Variants in DTWD2 observed in about 807,000 individuals in gnomAD.
The protein encoded by DTWD2 is DTW motif tRNA-uridine aminocarboxypropyltransferase 2, also known as tRNA-uridine aminocarboxypropyltransferase 2.
In DTWD2, 39 loss-of-function variants were observed where a neutral mutation model predicts 31.8. The observed-to-expected ratio is 1.22, with a 90% CI of 0.95 to 1.60. The LOEUF is 1.60. Among genes scored for constraint, DTWD2 ranks in the 40% most tolerant of loss-of-function variants. The probability of loss-of-function intolerance (pLI) is 0.00; values close to 1 mark genes in which losing one functional copy is unlikely to be tolerated. For missense variants in DTWD2, 515 were observed against 381.5 expected (o/e 1.35, Z -2.92); for synonymous variants, 180 against 142.8 (o/e 1.26, Z -1.86).
At chr5:118,929,798 T>C (rs1753883609) in intron 3 of DTWD2, among the ~76,000 whole-genome samples, 2 of 152,204 alleles carry the variant, frequency 1.3e-5, no homozygotes, top group Non-Finnish European at 2.9e-5. Flanking sequence ...AGCCAGGCTT[T>C]CTCTGAGGAC....
At chr5:118,851,218 C>CAAA (rs35541408) in intron 4 of DTWD2, among the ~76,000 whole-genome samples, 119 of 81,930 alleles carry the variant, frequency 1.5e-3, no homozygotes, top group African/African-American at 5.1e-3. Flanking sequence ...GACCCTATCT[C>CAAA]AAAAAAAAAA....
intron 4 of DTWD2, among the ~76,000 whole-genome samples, chr5:118,870,903 T>C (rs569497265): frequency 6.6e-6 from 1 of 150,424 alleles, no homozygotes; most frequent in Non-Finnish European, 1.5e-5. Flanking sequence ...TACTGCTGCT[T>C]ATATAATATT....
chr5:118,945,761 A>T (rs11954152), intron 1 of DTWD2, among the ~76,000 whole-genome samples: 29,119 of 134,856 alleles, frequency 0.22, 7,234 homozygotes, highest in African/African-American at 0.62. Flanking sequence ...CGAGACTCCA[A>T]CTCAAAAAAA....
rs550240884 is a variant in DTWD2, at chr5:118,975,313, A to C, written c.218+12981T>G. ...TGATATCCTTTCTTCCGCTTGATCG[A>C]TTTGGCTACTGATACTTGTGTATGC... On this transcript the variant is annotated intron_variant, in intron 1 of 5. Coordinates refer to ENST00000510708, the MANE Select transcript of DTWD2 (RefSeq NM_173666.4). Among the ~76,000 whole-genome samples the C allele has an allele frequency of 3.3e-5, 5 of 151,922 alleles. No individual in the cohort carries two copies. In the South Asian group the frequency reaches 1.0e-3, roughly 32 times the overall value.
intron 4 of DTWD2, among the ~76,000 whole-genome samples, chr5:118,910,486 C>A (rs1312893589): frequency 6.6e-6 from 1 of 152,188 alleles, no homozygotes; most frequent in Non-Finnish European, 1.5e-5. Context: ...TTAATCATGA[C>A]TACTTAGGCC....
At chr5:118,879,424 A>T (rs1310990384) in intron 4 of DTWD2, among the ~76,000 whole-genome samples, 1 of 152,058 alleles carries the variant, frequency 6.6e-6, no homozygotes, top group Non-Finnish European at 1.5e-5. Context: ...CAGCCTGGCC[A>T]GCACGGTGAA....
rs944013732 is a variant in DTWD2, at chr5:118,868,314, GA to G, written c.598-20097del. Among the ~76,000 whole-genome samples the G allele has an allele frequency of 1.3e-4, 20 of 151,560 alleles. No individual in the cohort carries two copies. The East Asian group carries it at 2.9e-3, about 22-fold the overall frequency. ...AAGTGCTAAAACTATAAAATTCTTA[GA>G]AAAAAAATAGGGGGAAATCTTTACA... On this transcript the variant is annotated intron_variant, in intron 4 of 5. Coordinates refer to ENST00000510708, the MANE Select transcript of DTWD2 (RefSeq NM_173666.4).
At chr5:118,904,701 A>G (rs1195542195) in intron 4 of DTWD2, among the ~76,000 whole-genome samples, 1 of 152,166 alleles carries the variant, frequency 6.6e-6, no homozygotes, top group Non-Finnish European at 1.5e-5. Context: ...ACAGAGAAAA[A>G]GAGGGAGAAT....
chr5:118,939,265 G>T lies in DTWD2; in HGVS notation c.335C>A (p.Pro112His). ...CTGGGGGAGGCATGCTGCTAGTAGA[G>T]GAACTGTACGCAACACTTTGTTTTC... ...AEENKVLRTV[P>H]LLAACLPQDK... The change falls in exon 3 of 6, where the codon CCT becomes CAT. Residue 112 changes from proline (P) to histidine (H), a missense_variant. Pro to His is a moderately conservative substitution (Grantham distance 77). Transcript: ENST00000510708. 1 of 1,596,306 alleles carries T rather than the reference G, an allele frequency of 6.3e-7. No homozygotes were observed. Among genetic ancestry groups the T allele is most frequent in the Non-Finnish European group, 8.5e-7 (1 of 1,170,862 alleles).
chr5:118,866,848 C>A (rs188655288), intron 4 of DTWD2, among the ~76,000 whole-genome samples: 59 of 151,666 alleles, frequency 3.9e-4, no homozygotes, highest in Non-Finnish European at 8.2e-4. Flanking sequence ...ACCTGGGAGG[C>A]AGAGGTTGCA....
intron 4 of DTWD2, among the ~76,000 whole-genome samples, chr5:118,927,653 A>G (rs1203051193): frequency 1.3e-5 from 2 of 152,146 alleles, no homozygotes; most frequent in African/African-American, 4.8e-5. Context: ...ATAATTCCCT[A>G]GAGAAATATA....
intron 1 of DTWD2, among the ~76,000 whole-genome samples, chr5:118,954,690 T>G (rs542523098): frequency 6.6e-6 from 1 of 152,152 alleles, no homozygotes; most frequent in Non-Finnish European, 1.5e-5. Flanking sequence ...TTTTTGTATT[T>G]GAATAATTAA....
intron 4 of DTWD2, among the ~76,000 whole-genome samples, chr5:118,911,372 A>T (rs1431007440): frequency 6.6e-6 from 1 of 152,232 alleles, no homozygotes; most frequent in Non-Finnish European, 1.5e-5. Context: ...GTTGGGAAGG[A>T]TGTGGAGAAA....
chr5:118,947,651 C>T (rs917447745), intron 1 of DTWD2, among the ~76,000 whole-genome samples: 5 of 152,088 alleles, frequency 3.3e-5, no homozygotes, highest in Non-Finnish European at 5.9e-5. Flanking sequence ...AGCATTCGAG[C>T]GGGAAAACAG....
At chr5:118,901,811 T>C (rs1025908030) in intron 4 of DTWD2, among the ~76,000 whole-genome samples, 2 of 152,208 alleles carry the variant, frequency 1.3e-5, no homozygotes, top group Non-Finnish European at 2.9e-5. Context: ...TCTCACTGTG[T>C]TGCTCAGGCT....
intron 4 of DTWD2, among the ~76,000 whole-genome samples, chr5:118,917,051 C>CA (rs1367504595): frequency 1.3e-5 from 2 of 152,190 alleles, no homozygotes; most frequent in East Asian, 3.9e-4. Flanking sequence ...TTTAAACTGA[C>CA]AAAAATATAA....
intron 1 of DTWD2, among the ~76,000 whole-genome samples, chr5:118,947,648 G>C (rs150804529): frequency 6.0e-4 from 91 of 152,256 alleles, no homozygotes; most frequent in African/African-American, 1.8e-3. Flanking sequence ...GACAGCATTC[G>C]AGCGGGAAAA....
chr5:118,916,163 A>C (rs970459662), intron 4 of DTWD2, among the ~76,000 whole-genome samples: 1 of 152,236 alleles, frequency 6.6e-6, no homozygotes, highest in Non-Finnish European at 1.5e-5. Flanking sequence ...CCACAGTATG[A>C]AGACTGTTGG....
intron 1 of DTWD2, among the ~76,000 whole-genome samples, chr5:118,986,576 A>C (rs1755432552): frequency 6.6e-6 from 1 of 152,220 alleles, no homozygotes. Flanking sequence ...TGCATTTTTA[A>C]AACTATTTTA....
Sources: allele counts gnomAD v4.1 joint callset (sites outside exome capture counted in the v4.1 genomes callset), GRCh38; gene constraint gnomAD v4.1.1; transcripts MANE v1.5; gene names NCBI Gene and HGNC (gene_info 2026-07-23, HGNC 2026-07-21).